Variants in YME1L1 observed in about 807,000 individuals in gnomAD.
YME1L1 encodes ATP-dependent zinc metalloprotease YME1L1.
Under a neutral mutation model 90.4 loss-of-function variants are expected in YME1L1, and 39 were observed. The observed-to-expected ratio is 0.43, with a 90% CI of 0.33 to 0.56. The LOEUF (loss-of-function observed/expected upper bound fraction) is 0.56. YME1L1 is among the 20% of genes least tolerant of loss of function. YME1L1 has a pLI of 0.03. For missense variants in YME1L1, 617 were observed against 868.4 expected (o/e 0.71, Z 3.64); for synonymous variants, 284 against 287.3 (o/e 0.99, Z 0.12).
At position 27,145,376 on chromosome 10, in the gene YME1L1, ATT is replaced by A. The variant is rs1324018614; in HGVS notation, c.331+50_331+51del. ...TGAAAGCTAAGAAATGGTATCTATA[ATT>A]ATTAATAGTGCTAAAATATTTAATT... is the stretch of plus-strand genomic sequence containing the variant. On this transcript the variant is annotated intron_variant, in intron 3 of 18. Transcript: ENST00000376016. 505 of 1,423,222 alleles carry A rather than the reference ATT, an allele frequency of 3.5e-4. No individual in the cohort carries two copies. In the African/African-American group the frequency reaches 6.6e-3, roughly 19 times the overall value. 88.2% of individuals were successfully genotyped at this position (1,423,222 alleles called of 1,614,324 possible).
Position 27,131,858 on chromosome 10 carries a change from C to A in YME1L1, c.858+1G>T. The A allele has an allele frequency of 3.7e-6, 6 of 1,605,906 alleles. No homozygotes were observed. Among genetic ancestry groups the A allele is most frequent in the Non-Finnish European group, 5.1e-6 (6 of 1,176,642 alleles). ...AAGGCAAGGCAATCTTCTTAACTTA[C>A]CCCTTTAACATGTTCAAAGGTGACA... is the stretch of plus-strand genomic sequence containing the variant. On this transcript the variant is annotated splice_donor_variant, in intron 8 of 18. Coordinates refer to ENST00000376016, the MANE Select transcript of YME1L1 (RefSeq NM_014263.4). LOFTEE classifies it high-confidence loss of function.
chr10:27,142,374 T>C lies in YME1L1; in HGVS notation c.430+13A>G, dbSNP rs1788858288. On this transcript the variant is annotated intron_variant, in intron 4 of 18. Transcript: ENST00000376016. ...TATTTTTTTTTCCACAATTTATGGT[T>C]GTTGCTTCATACCTGGCCAGTACTG... The C allele has an allele frequency of 1.4e-6, 2 of 1,388,814 alleles. No homozygotes were observed. The highest frequency in any genetic ancestry group is 1.5e-5 in the African/African-American group (1 of 66,820). The allele number at this position is 1,388,814 out of a possible 1,614,324, so 86.0% of individuals were successfully genotyped here. A position where few individuals can be genotyped will look rare whatever the true frequency, so the allele number is the denominator to read the frequency against.
At position 27,117,655 on chromosome 10, in the gene YME1L1, G is replaced by A; in HGVS notation, c.1640C>T (p.Ala547Val). Residue 547 changes from alanine to valine, a missense_variant, in exon 15 of 19, where the codon GCC becomes GTC. By Grantham distance (64) the Ala-to-Val change is moderately conservative. This residue lies in a region of YME1L1 where 212 missense variants were observed against 330.0 expected (regional missense o/e 0.64). Coordinates refer to ENST00000376016, the MANE Select transcript of YME1L1 (RefSeq NM_014263.4). ...ATCTTTTGTGTAATATGCAATAATG[G>A]CATGACCAGATTCATGATATGCTGT... Reference protein sequence around the residue: ...TITAYHESGHAIIAYYTKDAM... With the variant: ...TITAYHESGHVIIAYYTKDAM... The A allele has an allele frequency of 1.2e-6, 2 of 1,614,114 alleles. No individual in the cohort carries two copies. The highest frequency in any genetic ancestry group is 8.5e-7 in the Non-Finnish European group (1 of 1,179,990).
Position 27,116,314 on chromosome 10 carries a change from T to C in YME1L1, c.1751A>G (p.Asn584Ser). 2 of 1,614,132 alleles carry C rather than the reference T, an allele frequency of 1.2e-6. No individual in the cohort carries two copies. Among genetic ancestry groups the C allele is most frequent in the Non-Finnish European group, 1.7e-6 (2 of 1,180,006 alleles). The change falls in exon 16 of 19, where the codon AAT becomes AGT. Residue 584 changes from asparagine to serine, a missense_variant. Coordinates refer to ENST00000376016, the MANE Select transcript of YME1L1 (RefSeq NM_014263.4). ...VSLLPENDRWNETRAQLLAQM... is the reference protein window; with the variant it reads ...VSLLPENDRWSETRAQLLAQM... ...TGCAAGCAGCTGGGCTCTAGTTTCA[T>C]TCCATCTGTCATTCTCAGGTAACAG... is the stretch of plus-strand genomic sequence containing the variant.
chr10:27,123,308 C>A (rs1164014662), intron 10 of YME1L1, among the ~76,000 whole-genome samples: 3 of 151,990 alleles, frequency 2.0e-5, no homozygotes, highest in African/African-American at 7.2e-5. Context: ...TTGGTAGCCT[C>A]CAACTTCATC....
intron 18 of YME1L1, among the ~76,000 whole-genome samples, chr10:27,113,667 T>C: frequency 1.4e-5 from 2 of 144,438 alleles, no homozygotes; most frequent in Non-Finnish European, 3.0e-5. Context: ...AGCAGAACTC[T>C]GTCTCAAAAA....
intron 10 of YME1L1, 86 bp downstream of exon 10, chr10:27,123,460 GA>G (rs1050182556): frequency 1.7e-5 from 24 of 1,447,280 alleles, no homozygotes; most frequent in African/African-American, 1.5e-4. Context: ...AAAAAAGGAA[GA>G]AAAAAAGTAA....
chr10:27,110,439 C>G lies in YME1L1; in HGVS notation c.*1538G>C, dbSNP rs2135828390. On this transcript the variant is annotated 3_prime_UTR_variant, in exon 19 of 19. Transcript: ENST00000376016. ...ATATCTATCTTTTTTCAATGAAGAC[C>G]ATATACAGCTTAAATTATTAGGAAA... 1 of 152,146 alleles carries G rather than the reference C, an allele frequency of 6.6e-6. No homozygotes were observed. The highest frequency in any genetic ancestry group is 2.4e-5 in the African/African-American group (1 of 41,486). The allele number at this position is 152,146 out of a possible 1,614,324, so 9.4% of individuals were successfully genotyped here.
chr10:27,149,775 A>AG (rs2057190146), intron 1 of YME1L1, among the ~76,000 whole-genome samples: 1 of 150,722 alleles, frequency 6.6e-6, no homozygotes, highest in South Asian at 2.1e-4. Context: ...ACATTTAAAA[A>AG]AAAAAAAATA....
intron 1 of YME1L1, among the ~76,000 whole-genome samples, chr10:27,150,773 C>T (rs73598033): frequency 0.056 from 8,534 of 152,222 alleles, 256 homozygotes; most frequent in African/African-American, 0.083. Context: ...TGAATAATCA[C>T]ACATTGTTTA....
rs539252619 is a variant in YME1L1 at position 27,134,241 on chromosome 10, C to CT, written c.692-120dup. On this transcript the variant is annotated intron_variant, in intron 6 of 18. Coordinates refer to ENST00000376016, the MANE Select transcript of YME1L1 (RefSeq NM_014263.4). ...ATTTCATCACATCCAATTTTGGAAT[C>CT]TGGCATTCTTTCTCACAACTGCTAT... 176 of 830,028 alleles carry CT rather than the reference C, an allele frequency of 2.1e-4. No individual in the cohort carries two copies. The African/African-American group carries it at 2.3e-3, about 11-fold the overall frequency. The allele number at this position is 830,028 out of a possible 1,614,324, so 51.4% of individuals were successfully genotyped here. A position where few individuals can be genotyped will look rare whatever the true frequency, so the allele number is the denominator to read the frequency against.
intron 9 of YME1L1, among the ~76,000 whole-genome samples, chr10:27,125,918 C>G (rs1380622557): frequency 6.6e-6 from 1 of 151,962 alleles, no homozygotes; most frequent in Non-Finnish European, 1.5e-5. Context: ...CTCAAGTAAT[C>G]CACCCGCCTC....
At position 27,154,170 on chromosome 10, in the gene YME1L1, T is replaced by G. The variant is rs746000580; in HGVS notation, c.33+8A>C. 3.7e-5 allele frequency: 59 copies of G among 1,588,902 alleles called. No homozygotes were observed. Among genetic ancestry groups the G allele is most frequent in the Non-Finnish European group, 4.6e-5 (54 of 1,166,704 alleles). ...GAGGAAAAAAAATGGGCTGAATGCCTGGCTTACCTGGGGTTGCACCGTGCT... is the reference window on the plus strand; with the variant it reads ...GAGGAAAAAAAATGGGCTGAATGCCGGGCTTACCTGGGGTTGCACCGTGCT... On this transcript the variant is annotated splice_region_variant and intron_variant, in intron 1 of 18. Transcript: ENST00000376016.
At position 27,131,904 on chromosome 10, in the gene YME1L1, T is replaced by C; in HGVS notation, c.813A>G (p.Val271=). 1.2e-6 allele frequency: 2 copies of C among 1,613,432 alleles called. No individual in the cohort carries two copies. Among genetic ancestry groups the C allele is most frequent in the Non-Finnish European group, 1.7e-6 (2 of 1,179,816 alleles). Residue 271 remains valine (V), a synonymous_variant, in exon 8 of 19, where the codon GTA becomes GTG. Coordinates refer to ENST00000376016, the MANE Select transcript of YME1L1 (RefSeq NM_014263.4). ...TGACATTTTTCATCTGGACAGGATC[T>C]ACTGCAGAATCAAGCCCTGTTGTTG... ...FRTTTGLDSA[V]DPVQMKNVTF... is the part of the protein sequence containing the mutation.
intron 4 of YME1L1, among the ~76,000 whole-genome samples, chr10:27,137,721 G>T (rs925954812): frequency 2.2e-4 from 33 of 152,104 alleles, no homozygotes; most frequent in African/African-American, 6.5e-4. Context: ...AGCTTCCTCT[G>T]TATTTTTATT....
At chr10:27,144,756 G>A (rs1344669165) in intron 3 of YME1L1, among the ~76,000 whole-genome samples, 4 of 152,036 alleles carry the variant, frequency 2.6e-5, no homozygotes, top group Non-Finnish European at 5.9e-5. Context: ...ATCAGATCCT[G>A]GAAAAGAAAA....
At chr10:27,132,012 C>T in intron 7 of YME1L1, 71 bp from the exon 8 acceptor site, 1 of 1,276,668 alleles carries the variant, frequency 7.8e-7, no homozygotes, top group South Asian at 1.4e-5. Flanking sequence ...TTTTTAGATG[C>T]AAGAAAGCAA....
Position 27,145,414 on chromosome 10 carries a change from A to C in YME1L1, c.331+14T>G. The C allele has an allele frequency of 6.4e-7, 1 of 1,573,770 alleles. No homozygotes were observed. Among genetic ancestry groups the C allele is most frequent in the South Asian group, 1.2e-5 (1 of 84,814 alleles). On this transcript the variant is annotated intron_variant, in intron 3 of 18. Coordinates refer to ENST00000376016, the MANE Select transcript of YME1L1 (RefSeq NM_014263.4). Reference sequence around the variant, plus strand: ...CTAAAATATTTAATTGGAACAAAAAACACATTAACATACCATATTTATTTT... The same window carrying C: ...CTAAAATATTTAATTGGAACAAAAACCACATTAACATACCATATTTATTTT...
intron 2 of YME1L1, chr10:27,147,265 G>T: frequency 1.5e-6 from 1 of 665,002 alleles, no homozygotes; most frequent in Non-Finnish European, 2.5e-6. Context: ...AGGCTGAGGT[G>T]GGAGGACTGC....
Sources: gnomAD v4.1 joint callset for allele counts (sites outside exome capture counted in the v4.1 genomes callset) on GRCh38, gnomAD v4.1.1 for gene constraint, gnomAD v4.1.1 regional missense constraint, MANE v1.5 for transcripts, NCBI Gene and HGNC (gene_info 2026-07-23, HGNC 2026-07-21) for gene names.